PLG: variants seen among roughly 807,000 people sequenced by gnomAD.
The protein encoded by PLG is plasmin.
Under a neutral mutation model 104.4 loss-of-function variants are expected in PLG, and 41 were observed. The observed-to-expected ratio is 0.39, with a 90% confidence interval of 0.31 to 0.51. PLG has a LOEUF of 0.51. Ranked by LOEUF, PLG falls within the 20% of genes least tolerant of loss-of-function variation. The pLI, the probability that PLG is intolerant of heterozygous loss-of-function variation, is 0.76. For missense variants in PLG, 891 were observed against 1,003.6 expected (o/e 0.89, Z 1.52); for synonymous variants, 337 against 357.1 (o/e 0.94, Z 0.63).
rs4252126 is a variant in PLG at position 160,731,262 on chromosome 6, A to G, written c.1438+30A>G. ...GAAATCTGTGGCTGGACATCTACAC[A>G]CTTGGACGCTGGGATGAAAAGCCAT... On this transcript the variant is annotated intron_variant, in intron 11 of 18. Transcript: ENST00000308192. The surrounding 1 kb of genome is among the most constrained non-coding windows in gnomAD (Gnocchi z 5.1). The G allele has an allele frequency of 0.25, 396,867 of 1,567,980 alleles. 55,153 individuals are homozygous for G. The highest frequency in any genetic ancestry group is 0.29 in the Non-Finnish European group (329,371 of 1,137,994).
In PLG at chr6:160,731,877, C is replaced by A. The variant is rs1413137211; in HGVS notation, c.1571C>A (p.Ala524Glu). Residue 524 changes from alanine to glutamate, a missense_variant, in exon 12 of 19, where the codon GCG (alanine) becomes GAG (glutamate). Coordinates refer to ENST00000308192, the MANE Select transcript of PLG (RefSeq NM_000301.5). The surrounding 1 kb of genome is among the most constrained non-coding windows in gnomAD (Gnocchi z 5.1). ...SIFTPETNPR[A>E]GLEKNYCRNP... Reference sequence around the variant, plus strand: ...TTCACTCCAGAGACAAATCCACGGGCGGGTCTGGAAAAAAATGTAAGCCAC... The same window carrying A: ...TTCACTCCAGAGACAAATCCACGGGAGGGTCTGGAAAAAAATGTAAGCCAC... The A allele has an allele frequency of 1.9e-6, 3 of 1,613,954 alleles. No homozygotes were observed. Among genetic ancestry groups the A allele is most frequent in the Admixed American group, 3.3e-5 (2 of 60,014 alleles).
At chr6:160,730,557 C>T (rs1014983133) in intron 10 of PLG, among the ~76,000 whole-genome samples, 4 of 152,080 alleles carry the variant, frequency 2.6e-5, no homozygotes, top group Non-Finnish European at 5.9e-5. Context: ...GGTGACTGGC[C>T]TGGGAATGAT....
At chr6:160,704,255 CTG>C (rs1264687227) in intron 1 of PLG, among the ~76,000 whole-genome samples, 1 of 152,124 alleles carries the variant, frequency 6.6e-6, no homozygotes, top group Admixed American at 6.5e-5. Flanking sequence ...TTATTTCAAA[CTG>C]AAAAGAGAAA....
intron 17 of PLG, among the ~76,000 whole-genome samples, chr6:160,748,366 A>AAGAAAGAAAGAGAGAGAGAGAGAGAG (rs1404070341): frequency 2.6e-5 from 1 of 38,136 alleles, no homozygotes; most frequent in South Asian, 1.3e-3. Context: ...GAAAGAAAGA[A>AAGAAAGAAAGAGAGAGAGAGAGAGAG]AGAAAGAAAG....
Position 160,711,005 on chromosome 6 carries a change from G to A in PLG, c.293-72G>A, listed in dbSNP as rs4252080. The A allele has an allele frequency of 2.5e-3, 3,698 of 1,456,142 alleles. 82 individuals carry two copies. In the African/African-American group the frequency reaches 0.044, roughly 17 times the overall value. The allele number at this position is 1,456,142 out of a possible 1,614,324, so 90.2% of individuals were successfully genotyped here. On this transcript the variant is annotated intron_variant, in intron 3 of 18. Coordinates refer to ENST00000308192, the MANE Select transcript of PLG (RefSeq NM_000301.5). ...TGGTGCATGAGATCTTTTTCTCAAC[G>A]TGACTATGCTGTGCAGACCTTCATG...
Position 160,718,942 on chromosome 6 carries a change from A to G in PLG, c.1096+104A>G, listed in dbSNP as rs114454637. ...ACAGTAGCTTTGTAAGTTTAATGCT[A>G]TTGTGGTCAGAAAGCCTGCCCTTAT... On this transcript the variant is annotated intron_variant, in intron 9 of 18. Coordinates refer to ENST00000308192, the MANE Select transcript of PLG (RefSeq NM_000301.5). The G allele has an allele frequency of 7.7e-5, 80 of 1,044,830 alleles. No individual in the cohort carries two copies. The African/African-American group carries it at 1.1e-3, about 15-fold the overall frequency. 64.7% of individuals were successfully genotyped at this position (1,044,830 alleles called of 1,614,324 possible).
intron 5 of PLG, 177 bp downstream of exon 5, chr6:160,713,302 C>T: frequency 3.3e-6 from 2 of 606,806 alleles, no homozygotes; most frequent in South Asian, 1.8e-5. Flanking sequence ...CAGAGTTTTG[C>T]TCTCGTTGCC....
chr6:160,713,266 A>T, intron 5 of PLG, 141 bp downstream of exon 5: 1 of 751,536 alleles, frequency 1.3e-6, no homozygotes, highest in East Asian at 2.6e-5. Flanking sequence ...CCCCAGAATT[A>T]ACCTGAATTT....
At chr6:160,711,363 C>T (rs761940171) in intron 4 of PLG, 172 bp downstream of exon 4, 5 of 701,308 alleles carry the variant, frequency 7.1e-6, no homozygotes, top group Non-Finnish European at 1.2e-5. Context: ...TTGTATAATC[C>T]CTAATATAAT....
chr6:160,742,730 G>A (rs1778215500), intron 17 of PLG, among the ~76,000 whole-genome samples: 1 of 152,042 alleles, frequency 6.6e-6, no homozygotes, highest in Non-Finnish European at 1.5e-5. Flanking sequence ...CCGTTCCTAT[G>A]TCCAGGATGG....
chr6:160,710,379 A>T (rs1777618108), intron 3 of PLG, among the ~76,000 whole-genome samples: 1 of 152,032 alleles, frequency 6.6e-6, no homozygotes. Flanking sequence ...TAAGCACATA[A>T]CTCACGTGGG....
chr6:160,713,698 A>G lies in PLG; in HGVS notation c.547+573A>G, dbSNP rs187548369. On this transcript the variant is annotated intron_variant, in intron 5 of 18. Transcript: ENST00000308192. ...TTAACCCCAAGACAGGTTTGCAATT[A>G]AATAGTTAAAATAAAACAACAAAAT... is the stretch of plus-strand genomic sequence containing the variant. Among the ~76,000 whole-genome samples, 9 of 152,296 alleles carry G rather than the reference A, an allele frequency of 5.9e-5. No homozygotes were observed. In the East Asian group the frequency reaches 1.5e-3, roughly 26 times the overall value.
Position 160,734,069 on chromosome 6 carries a change from C to T in PLG, c.1662C>T (p.Tyr554=). 2 of 1,599,152 alleles carry T rather than the reference C, an allele frequency of 1.3e-6. No individual in the cohort carries two copies. Among genetic ancestry groups the T allele is most frequent in the Non-Finnish European group, 1.7e-6 (2 of 1,166,716 alleles). Residue 554 remains tyrosine (Y), a synonymous_variant, in exon 13 of 19, where the codon TAC becomes TAT. Transcript: ENST00000308192. This position sits in a 1 kb window ranked among gnomAD's most constrained non-coding sequence, Gnocchi z 4.4. ...YTTNPRKLYD[Y]CDVPQCAAPS... ...CAAATCCAAGAAAACTTTACGACTA[C>T]TGTGATGTCCCTCAGTGTGGTAGGT...
At chr6:160,721,542 C>A (rs1395279494) in intron 9 of PLG, among the ~76,000 whole-genome samples, 1 of 152,186 alleles carries the variant, frequency 6.6e-6, no homozygotes, top group African/African-American at 2.4e-5. Context: ...AGAGTTTTCT[C>A]CGTGTTCCTA....
chr6:160,724,762 T>G lies in PLG; in HGVS notation c.1256+2195T>G, dbSNP rs1424496302. On this transcript the variant is annotated intron_variant, in intron 10 of 18. Coordinates refer to ENST00000308192, the MANE Select transcript of PLG (RefSeq NM_000301.5). The surrounding 1 kb of genome is among the most constrained non-coding windows in gnomAD (Gnocchi z 5.0). ...ATATCCCTTGAAAGTGAATGTTATA[T>G]AAATACATATTCTGCCTCCCCCAAA... Among the ~76,000 whole-genome samples, 1 of 152,198 alleles carries G rather than the reference T, an allele frequency of 6.6e-6. No homozygotes were observed. The highest frequency in any genetic ancestry group is 1.5e-5 in the Non-Finnish European group (1 of 68,044).
chr6:160,708,406 C>T (rs1407225030), intron 3 of PLG: 2 of 152,534 alleles, frequency 1.3e-5, no homozygotes, highest in Non-Finnish European at 2.9e-5. Flanking sequence ...AGTCCCACTG[C>T]TTAGAATAAG....
chr6:160,712,463 T>G (rs535880653), intron 4 of PLG, among the ~76,000 whole-genome samples: 1 of 152,318 alleles, frequency 6.6e-6, no homozygotes, highest in East Asian at 1.9e-4. Flanking sequence ...CTATTTACAC[T>G]TAGGCAAGTT....
Position 160,723,115 on chromosome 6 carries a change from ATG to A in PLG, c.1256+554_1256+555del, listed in dbSNP as rs914887578. 6.6e-6 allele frequency among the ~76,000 whole-genome samples: 1 copy of A among 150,946 alleles called. No homozygotes were observed. Among genetic ancestry groups the A allele is most frequent in the African/African-American group, 2.4e-5 (1 of 40,984 alleles). ...AGTGTGTATATATATGTACACATAT[ATG>A]TGTGTATATATATGTACACATATAT... On this transcript the variant is annotated intron_variant, in intron 10 of 18. Coordinates refer to ENST00000308192, the MANE Select transcript of PLG (RefSeq NM_000301.5). The surrounding 1 kb of genome is among the most constrained non-coding windows in gnomAD (Gnocchi z 4.7).
At chr6:160,717,675 T>C (rs190201197) in intron 7 of PLG, among the ~76,000 whole-genome samples, 1 of 152,258 alleles carries the variant, frequency 6.6e-6, no homozygotes, top group African/African-American at 2.4e-5. Flanking sequence ...TTGGTGTATG[T>C]GAGAATTCGG....
Sources: allele counts gnomAD v4.1 joint callset (sites outside exome capture counted in the v4.1 genomes callset), GRCh38; gene constraint gnomAD v4.1.1; non-coding constraint Gnocchi (gnomAD v3.1); transcripts MANE v1.5; gene names NCBI Gene and HGNC (gene_info 2026-07-23, HGNC 2026-07-21).